The following ROR2 variants were observed in gnomAD, a reference collection of about 807,000 sequenced individuals.
ROR2 encodes the protein ROR family WNT receptor 2.
In ROR2, 33 loss-of-function variants were observed where a neutral mutation model predicts 74.9. The observed-to-expected ratio is 0.44, with a 90% CI of 0.33 to 0.59. The LOEUF (loss-of-function observed/expected upper bound fraction) is 0.59. Ranked by LOEUF, ROR2 falls within the 20% of genes least tolerant of loss-of-function variation. The pLI is 0.02. For missense variants in ROR2, 1,216 were observed against 1,313.8 expected, an observed-to-expected ratio of 0.93 and a Z score of 1.15; for synonymous variants, 586 against 558.7, an observed-to-expected ratio of 1.05 and a Z score of -0.69.
intron 1 of ROR2, among the ~76,000 whole-genome samples, chr9:91,852,646 CACACCCA>C (rs1829138711): frequency 1.3e-5 from 2 of 150,920 alleles, no homozygotes; most frequent in African/African-American, 4.9e-5. Context: ...CACACACACA[CACACCCA>C]CACACACAAT....
chr9:91,893,872 G>T (rs774650880), intron 1 of ROR2, among the ~76,000 whole-genome samples: 1 of 152,078 alleles, frequency 6.6e-6, no homozygotes, highest in Non-Finnish European at 1.5e-5. Flanking sequence ...ATCTCTAAAT[G>T]GACAGTTCTG....
intron 7 of ROR2, among the ~76,000 whole-genome samples, chr9:91,729,715 C>A (rs925731825): frequency 3.9e-5 from 6 of 152,174 alleles, no homozygotes; most frequent in African/African-American, 1.4e-4. Context: ...GACTGGTGAA[C>A]CGGGCATGAC....
chr9:91,760,669 C>A (rs1017252262), intron 2 of ROR2, among the ~76,000 whole-genome samples: 1 of 151,474 alleles, frequency 6.6e-6, no homozygotes, highest in Non-Finnish European at 1.5e-5. Context: ...ACAACTGTTA[C>A]TTTTTGAGGG....
chr9:91,816,798 G>A (rs1201455229), intron 1 of ROR2, among the ~76,000 whole-genome samples: 1 of 150,688 alleles, frequency 6.6e-6, no homozygotes, highest in Non-Finnish European at 1.5e-5. Flanking sequence ...AAGGAGTGAG[G>A]GTATGGGAGA....
At chr9:91,741,304 G>GTAATAATAA (rs149995684) in intron 4 of ROR2, among the ~76,000 whole-genome samples, 1,690 of 135,560 alleles carry the variant, frequency 0.012, 11 homozygotes, top group Middle Eastern at 0.019. Flanking sequence ...GTCTCAAGTA[G>GTAATAATAA]TAATAATAAT....
At chr9:91,778,062 G>A (rs12336151) in intron 1 of ROR2, among the ~76,000 whole-genome samples, 1 of 152,156 alleles carries the variant, frequency 6.6e-6, no homozygotes, top group East Asian at 1.9e-4. Flanking sequence ...GAGCTACTAG[G>A]ATTGCTGCTC....
intron 1 of ROR2, among the ~76,000 whole-genome samples, chr9:91,872,801 G>A (rs1482399422): frequency 1.3e-5 from 2 of 152,204 alleles, no homozygotes; most frequent in Non-Finnish European, 2.9e-5. Context: ...TCCTCTGGGG[G>A]ATGGAGAGGG....
chr9:91,772,747 C>A (rs1296994503), intron 2 of ROR2, among the ~76,000 whole-genome samples: 4 of 152,144 alleles, frequency 2.6e-5, no homozygotes, highest in African/African-American at 4.8e-5. Flanking sequence ...ACTGAACACA[C>A]ATGGTTTTTA....
At chr9:91,860,365 A>C (rs566382782) in intron 1 of ROR2, among the ~76,000 whole-genome samples, 2 of 152,186 alleles carry the variant, frequency 1.3e-5, no homozygotes, top group Non-Finnish European at 2.9e-5. Context: ...TCCCATGAGA[A>C]ACGGTGGCTT....
chr9:91,916,655 G>C (rs1011959334), intron 1 of ROR2, among the ~76,000 whole-genome samples: 1 of 152,196 alleles, frequency 6.6e-6, no homozygotes, highest in East Asian at 1.9e-4. Flanking sequence ...TGCTAGCAAA[G>C]CATCTAAGTG....
At chr9:91,842,329 CA>C (rs1278498031) in intron 1 of ROR2, among the ~76,000 whole-genome samples, 1 of 152,188 alleles carries the variant, frequency 6.6e-6, no homozygotes, top group East Asian at 1.9e-4. Flanking sequence ...TAGGAACAGC[CA>C]ACACATGTAT....
Position 91,934,066 on chromosome 9 carries a change from T to C in ROR2, c.97+15801A>G, listed in dbSNP as rs73520877. ...AACAAGCACATGTGCGCAGAAAACA[T>C]CAGGAATGAAGCATCAAGTCTGTTC... On this transcript the variant is annotated intron_variant, in intron 1 of 8. Coordinates refer to ENST00000375708, the MANE Select transcript of ROR2 (RefSeq NM_004560.4). Among the ~76,000 whole-genome samples, 445 of 152,214 alleles carry C rather than the reference T, an allele frequency of 2.9e-3. 1 individual carries two copies. The highest frequency in any genetic ancestry group is 0.01 in the African/African-American group (424 of 41,514).
intron 1 of ROR2, among the ~76,000 whole-genome samples, chr9:91,818,426 C>A (rs1401621630): frequency 1.3e-5 from 2 of 151,846 alleles, no homozygotes; most frequent in Non-Finnish European, 2.9e-5. Context: ...CTGTACTCCA[C>A]CACAACCACC....
chr9:91,757,214 C>T, intron 3 of ROR2, 58 bp downstream of exon 3: 1 of 1,608,218 alleles, frequency 6.2e-7, no homozygotes, highest in Admixed American at 1.7e-5. Flanking sequence ...GGACCTCTTG[C>T]TCGGTGGCTG....
intron 1 of ROR2, among the ~76,000 whole-genome samples, chr9:91,785,258 T>C (rs1165725136): frequency 1.3e-5 from 2 of 152,242 alleles, no homozygotes; most frequent in African/African-American, 4.8e-5. Context: ...CTCACTTGTT[T>C]CAGGGTCCCT....
At chr9:91,826,701 G>A (rs1366991082) in intron 1 of ROR2, among the ~76,000 whole-genome samples, 4 of 151,710 alleles carry the variant, frequency 2.6e-5, no homozygotes, top group Non-Finnish European at 4.4e-5. Flanking sequence ...CGAGAATGGC[G>A]TGAACCCGGG....
At chr9:91,925,063 G>A (rs1831361731) in intron 1 of ROR2, among the ~76,000 whole-genome samples, 1 of 151,952 alleles carries the variant, frequency 6.6e-6, no homozygotes, top group African/African-American at 2.4e-5. Flanking sequence ...TGTTGCCCAG[G>A]CTGGTCTCAA....
intron 1 of ROR2, among the ~76,000 whole-genome samples, chr9:91,840,585 T>C (rs1057040189): frequency 1.2e-4 from 18 of 152,330 alleles, no homozygotes; most frequent in Admixed American, 2.6e-4. Flanking sequence ...GCCTTCCTCC[T>C]GAGCTGGCCA....
At chr9:91,823,436 T>G (rs2119155217) in intron 1 of ROR2, among the ~76,000 whole-genome samples, 1 of 150,720 alleles carries the variant, frequency 6.6e-6, no homozygotes, top group Admixed American at 6.6e-5. Flanking sequence ...TTCAAGCAAT[T>G]CTCCTGCCTC....
Sources: allele counts gnomAD v4.1 joint callset (sites outside exome capture counted in the v4.1 genomes callset), GRCh38; gene constraint gnomAD v4.1.1; transcripts MANE v1.5; gene names NCBI Gene and HGNC (gene_info 2026-07-23, HGNC 2026-07-21).